The following SPRR2B variants were observed in gnomAD, a reference collection of about 807,000 sequenced individuals.
SPRR2B encodes the protein small proline rich protein 2B, also known as small proline-rich protein 2B.
Under a neutral mutation model 1.0 loss-of-function variants are expected in SPRR2B, and 1 was observed. That is an observed-to-expected ratio of 1.01 (90% CI 0.36 to 4.77). SPRR2B has a LOEUF of 4.77. SPRR2B is among the 30% of genes most tolerant of loss of function. SPRR2B has a pLI of 0.16. For missense variants in SPRR2B, 53 were observed against 88.7 expected (o/e 0.60, Z 1.62); for synonymous variants, 27 against 33.4 (o/e 0.81, Z 0.66).
intron 1 of SPRR2B, 103 bp from the exon 2 acceptor site, chr1:153,070,961 A>C (rs1654653163): frequency 1.0e-6 from 1 of 996,840 alleles, no homozygotes; most frequent in Non-Finnish European, 1.4e-6. Flanking sequence ...AATCTCCAAA[A>C]ATTTATTTAA....
chr1:153,084,348 C>T, the SPRR2B span, among the ~76,000 whole-genome samples: 1 of 152,108 alleles, frequency 6.6e-6, no homozygotes, highest in Admixed American at 6.5e-5. Flanking sequence ...CTGGTGATGG[C>T]CATTGCAGTC....
upstream of SPRR2B, among the ~76,000 whole-genome samples, chr1:153,074,599 A>G (rs1020768484): frequency 2.6e-5 from 4 of 152,244 alleles, no homozygotes; most frequent in African/African-American, 7.2e-5. Context: ...CTGGAATTGT[A>G]CTAAAAACAT....
upstream of SPRR2B, among the ~76,000 whole-genome samples, chr1:153,072,500 C>T (rs537352401): frequency 6.6e-6 from 1 of 152,146 alleles, no homozygotes; most frequent in African/African-American, 2.4e-5. Flanking sequence ...AATGCATAGA[C>T]TTACAGTATC....
intron 1 of SPRR2B, among the ~76,000 whole-genome samples, 170 bp from the exon 2 acceptor site, chr1:153,071,028 C>T (rs11578822): frequency 0.026 from 2,495 of 95,048 alleles, 117 homozygotes; most frequent in Middle Eastern, 0.06. Context: ...TAGCAAGTGG[C>T]TTCATCAGCC....
Position 153,071,041 on chromosome 1 carries a change from A to C in SPRR2B, c.-19-183T>G, listed in dbSNP as rs572795329. Among the ~76,000 whole-genome samples, 14 of 128,486 alleles carry C rather than the reference A, an allele frequency of 1.1e-4. 1 individual carries two copies. In the South Asian group the frequency reaches 3.3e-3, roughly 31 times the overall value. 84.3% of individuals were successfully genotyped at this position (128,486 alleles called of 152,430 possible). A position where few individuals can be genotyped will look rare whatever the true frequency, so the allele number is the denominator to read the frequency against. The stretch of plus-strand genomic sequence containing the variant: ...TTTAGCAAGTGGCTTCATCAGCCCT[A>C]GGAATTCCTGCCTTTCCTCATACAA... On this transcript the variant is annotated intron_variant, in intron 1 of 1. Transcript: ENST00000368755.
At chr1:153,081,825 C>CTT in the SPRR2B span, among the ~76,000 whole-genome samples, 17 of 137,002 alleles carry the variant, frequency 1.2e-4, no homozygotes, top group Admixed American at 2.9e-4. Flanking sequence ...CTTTTCTTTT[C>CTT]TTTTTTTTTT....
At chr1:153,074,655 A>G (rs1654738630), upstream of SPRR2B, among the ~76,000 whole-genome samples, 1 of 152,248 alleles carries the variant, frequency 6.6e-6, no homozygotes, top group Non-Finnish European at 1.5e-5. Flanking sequence ...AAAGATAGGA[A>G]ACATATGAAA....
chr1:153,070,780 C>T lies in SPRR2B; in HGVS notation c.60G>A (p.Thr20=), dbSNP rs753393414. The T allele has an allele frequency of 1.0e-5, 16 of 1,601,466 alleles. No homozygotes were observed. The highest frequency in any genetic ancestry group is 5.5e-5 in the South Asian group (5 of 90,302). ...GTGGACATGGCTCTGGGCACTTTGG[C>T]GTGGGGCACACAGGAGGTGGCTGGC... is the stretch of plus-strand genomic sequence containing the variant. The part of the protein sequence containing the change: ...QPCQPPPVCP[T]PKCPEPCPPP... Residue 20 remains threonine, a synonymous_variant, in exon 2 of 2, where the codon ACG becomes ACA. Transcript: ENST00000368755.
chr1:153,076,517 G>T (rs1213985124), upstream of SPRR2B, among the ~76,000 whole-genome samples: 1 of 152,096 alleles, frequency 6.6e-6, no homozygotes, highest in Non-Finnish European at 1.5e-5. Flanking sequence ...ACAAAATTGT[G>T]AAAACATTTG....
At chr1:153,082,082 G>A in the SPRR2B span, among the ~76,000 whole-genome samples, 11 of 151,866 alleles carry the variant, frequency 7.2e-5, no homozygotes, top group African/African-American at 2.4e-4. Flanking sequence ...GGGGTTAAAC[G>A]GGTGTTAATT....
rs116835639 is a variant in SPRR2B at position 153,071,588 on chromosome 1, C to T, written c.-39G>A. Among the ~76,000 whole-genome samples, 357 of 152,090 alleles carry T rather than the reference C, an allele frequency of 2.3e-3. 3 individuals carry two copies. The highest frequency in any genetic ancestry group is 8.3e-3 in the African/African-American group (345 of 41,422). On this transcript the variant is annotated 5_prime_UTR_variant, in exon 1 of 2. Coordinates refer to ENST00000368755, the MANE Select transcript of SPRR2B (RefSeq NM_001388198.1). ...ACTAACCAGTTTCTCCAAAGCAGATCGGTGCTCGAGTACCAGGAGTTTAGG... is the reference window on the plus strand; with the variant it reads ...ACTAACCAGTTTCTCCAAAGCAGATTGGTGCTCGAGTACCAGGAGTTTAGG...
chr1:153,076,423 T>C (rs902648380), upstream of SPRR2B, among the ~76,000 whole-genome samples: 4 of 152,174 alleles, frequency 2.6e-5, no homozygotes, highest in African/African-American at 9.7e-5. Context: ...TACTTCTACT[T>C]GTAAGAATCT....
chr1:153,070,518 A>C lies in SPRR2B; in HGVS notation c.*103T>G. On this transcript the variant is annotated 3_prime_UTR_variant, in exon 2 of 2. Coordinates refer to ENST00000368755, the MANE Select transcript of SPRR2B (RefSeq NM_001388198.1). ...CAGGCTAAGGGGAAAGAAGCTCCCT[A>C]TGAATCCATGATAAGCTTTGATGAG... The C allele has an allele frequency of 6.5e-7, 1 of 1,536,578 alleles. No homozygotes were observed. The highest frequency in any genetic ancestry group is 8.8e-7 in the Non-Finnish European group (1 of 1,140,006).
Position 153,070,580 on chromosome 1 carries a change from T to A in SPRR2B, c.*41A>T, listed in dbSNP as rs773505734. On this transcript the variant is annotated 3_prime_UTR_variant, in exon 2 of 2. Coordinates refer to ENST00000368755, the MANE Select transcript of SPRR2B (RefSeq NM_001388198.1). ...GGAGCTGTGGAACGAGGTGAGCCAA[T>A]TATCCTTATCCTCTCATGCTCCTGA... 1.1e-5 allele frequency: 17 copies of A among 1,593,010 alleles called. No homozygotes were observed. The highest frequency in any genetic ancestry group is 4.6e-5 in the South Asian group (4 of 87,078).
the SPRR2B span, among the ~76,000 whole-genome samples, chr1:153,086,110 G>A: frequency 6.6e-6 from 1 of 152,104 alleles, no homozygotes; most frequent in African/African-American, 2.4e-5. Flanking sequence ...GACACTATAA[G>A]GCAACCACAT....
At chr1:153,080,733 A>C in the SPRR2B span, among the ~76,000 whole-genome samples, 1 of 152,222 alleles carries the variant, frequency 6.6e-6, no homozygotes, top group Non-Finnish European at 1.5e-5. Flanking sequence ...ACTAACTCAC[A>C]ATCTTAAAAG....
the SPRR2B span, among the ~76,000 whole-genome samples, chr1:153,085,187 G>C: frequency 6.6e-6 from 1 of 152,166 alleles, no homozygotes. Context: ...GATGGCTGAA[G>C]TGGCAGAAAT....
the SPRR2B span, among the ~76,000 whole-genome samples, chr1:153,078,509 C>A: frequency 6.6e-6 from 1 of 152,038 alleles, no homozygotes; most frequent in East Asian, 1.9e-4. Context: ...GCTATCCCTC[C>A]CCTCTACCCC....
chr1:153,077,197 G>A, the SPRR2B span, among the ~76,000 whole-genome samples: 10 of 152,156 alleles, frequency 6.6e-5, no homozygotes, highest in African/African-American at 1.7e-4. Context: ...GTGGGATGAC[G>A]TATTTAAAGC....
Sources: gnomAD v4.1 joint callset for allele counts (sites outside exome capture counted in the v4.1 genomes callset) on GRCh38, gnomAD v4.1.1 for gene constraint, MANE v1.5 for transcripts, NCBI Gene and HGNC (gene_info 2026-07-23, HGNC 2026-07-21) for gene names.